The following SEMA6A variants were observed in gnomAD, a reference collection of about 807,000 sequenced individuals.
SEMA6A encodes the protein semaphorin-6A.
A neutral mutation model predicts 96.8 loss-of-function variants in SEMA6A; 25 were observed. The observed-to-expected ratio is 0.26, with a 90% confidence interval of 0.19 to 0.36. SEMA6A has a LOEUF of 0.36. Among genes scored for constraint, SEMA6A ranks in the 10% least tolerant of loss-of-function variants. The pLI is 1.00. For missense variants in SEMA6A, 1,363 were observed against 1,323.1 expected, an observed-to-expected ratio of 1.03 and a Z score of -0.47; for synonymous variants, 612 against 518.0, an observed-to-expected ratio of 1.18 and a Z score of -2.46.
At chr5:116,504,071 G>A (rs1005923795) in intron 2 of SEMA6A, among the ~76,000 whole-genome samples, 2 of 152,134 alleles carry the variant, frequency 1.3e-5, no homozygotes, top group African/African-American at 4.8e-5. Flanking sequence ...GATCTCCTTA[G>A]TATTGCATAT....
chr5:116,558,456 T>C lies in SEMA6A; in HGVS notation c.-39+15729A>G, dbSNP rs1215211457. Among the ~76,000 whole-genome samples, 4 of 38,500 alleles carry C rather than the reference T, an allele frequency of 1.0e-4. 2 individuals carry two copies. Among genetic ancestry groups the C allele is most frequent in the Non-Finnish European group, 1.4e-4 (2 of 14,220 alleles). The allele number at this position is 38,500 out of a possible 152,430, so 25.3% of individuals were successfully genotyped here. A position where few individuals can be genotyped will look rare whatever the true frequency, so the allele number is the denominator to read the frequency against. The stretch of plus-strand genomic sequence containing the variant: ...CCCATCATTTAAGGATTCTTTTTTT[T>C]TTTTTTTTTTTTTTTTTGAGACGGA... On this transcript the variant is annotated intron_variant, in intron 1 of 18. Transcript: ENST00000343348.
intron 18 of SEMA6A, among the ~76,000 whole-genome samples, chr5:116,465,345 ACAATTTGGAGCAAAATGGAAATTAAAAT>A: frequency 6.6e-6 from 1 of 152,220 alleles, no homozygotes; most frequent in Admixed American, 6.5e-5. Context: ...TAAACAAAAA[ACAATTTGGAGCAAAATGGAAATTAAAAT>A]CATAAAAACT....
intron 1 of SEMA6A, among the ~76,000 whole-genome samples, chr5:116,542,751 A>G (rs1201642634): frequency 6.6e-6 from 1 of 152,188 alleles, no homozygotes; most frequent in Non-Finnish European, 1.5e-5. Context: ...TCTGCATCAC[A>G]CTTAGAGAAA....
intron 1 of SEMA6A, among the ~76,000 whole-genome samples, chr5:116,505,315 C>T (rs976654445): frequency 9.9e-5 from 15 of 151,962 alleles, no homozygotes; most frequent in African/African-American, 3.6e-4. Context: ...AGGTGACTGC[C>T]AATATTGAAA....
chr5:116,465,892 C>T (rs1017053681), intron 18 of SEMA6A, among the ~76,000 whole-genome samples: 2 of 152,006 alleles, frequency 1.3e-5, no homozygotes, highest in Non-Finnish European at 2.9e-5. Context: ...CTTGAGAATA[C>T]AGTCAGGACT....
chr5:116,571,920 C>T (rs1183706733), intron 1 of SEMA6A, among the ~76,000 whole-genome samples: 1 of 152,168 alleles, frequency 6.6e-6, no homozygotes, highest in Admixed American at 6.5e-5. Flanking sequence ...TAAACATAGG[C>T]ATCTTTACTT....
chr5:116,567,758 C>T (rs866918975), intron 1 of SEMA6A, among the ~76,000 whole-genome samples: 2 of 152,246 alleles, frequency 1.3e-5, no homozygotes, highest in Admixed American at 1.3e-4. Context: ...ATTAACCTCA[C>T]GCCACAAGAT....
At chr5:116,526,488 A>G (rs899250140) in intron 1 of SEMA6A, among the ~76,000 whole-genome samples, 4 of 152,356 alleles carry the variant, frequency 2.6e-5, no homozygotes, top group East Asian at 1.9e-4. Flanking sequence ...CAAACGGATC[A>G]ATGAATGATC....
At chr5:116,477,738 T>A (rs1345509149) in intron 15 of SEMA6A, 108 bp downstream of exon 15, 3 of 1,102,340 alleles carry the variant, frequency 2.7e-6, no homozygotes, top group Admixed American at 1.8e-5. Context: ...TTGCTGGAGT[T>A]TGCACAGAAA....
intron 5 of SEMA6A, 176 bp from the exon 6 acceptor site, chr5:116,495,690 T>A (rs1757563218): frequency 1.8e-6 from 1 of 558,710 alleles, no homozygotes; most frequent in East Asian, 3.0e-5. Flanking sequence ...ACATCAACGA[T>A]TACTCTTTCA....
chr5:116,534,579 G>A (rs1000507253), intron 1 of SEMA6A, among the ~76,000 whole-genome samples: 10 of 152,294 alleles, frequency 6.6e-5, no homozygotes, highest in African/African-American at 2.4e-4. Context: ...GAGCTTCTTT[G>A]ACCAAATCAT....
intron 1 of SEMA6A, among the ~76,000 whole-genome samples, chr5:116,571,551 C>T (rs1379623491): frequency 6.6e-6 from 1 of 152,312 alleles, no homozygotes; most frequent in East Asian, 1.9e-4. Context: ...CAAAGTGCCT[C>T]ATTCAAGAAC....
At chr5:116,498,669 T>TAGGCTGCCAGAATCACCCTGCCCA (rs1561498711) in intron 3 of SEMA6A, 2 of 152,166 alleles carry the variant, frequency 1.3e-5, no homozygotes, top group Admixed American at 1.3e-4. Context: ...CAAACTTCAG[T>TAGGCTGCCAGAATCACCCTGCCCA]AGGCTGCCAG....
chr5:116,449,949 G>T (rs1384139830), intron 18 of SEMA6A: 5 of 152,256 alleles, frequency 3.3e-5, no homozygotes, highest in Admixed American at 2.0e-4. Context: ...CACCTTTTAT[G>T]TGTGAAGCTC....
intron 1 of SEMA6A, among the ~76,000 whole-genome samples, chr5:116,505,422 C>T (rs554010084): frequency 2.0e-5 from 3 of 151,042 alleles, no homozygotes; most frequent in East Asian, 1.9e-4. Context: ...CCCTTTGGCA[C>T]CACTTCCAAC....
chr5:116,535,585 G>C (rs763446037), intron 1 of SEMA6A, among the ~76,000 whole-genome samples: 1 of 152,128 alleles, frequency 6.6e-6, no homozygotes, highest in Non-Finnish European at 1.5e-5. Flanking sequence ...GACCCACAAA[G>C]AATCACCATT....
At chr5:116,572,521 C>A (rs1471712617) in intron 1 of SEMA6A, among the ~76,000 whole-genome samples, 1 of 152,210 alleles carries the variant, frequency 6.6e-6, no homozygotes, top group Non-Finnish European at 1.5e-5. Flanking sequence ...TTCCTCCCTC[C>A]CTGGATAGCC....
chr5:116,565,172 G>A (rs568124967), intron 1 of SEMA6A, among the ~76,000 whole-genome samples: 59 of 152,254 alleles, frequency 3.9e-4, no homozygotes, highest in African/African-American at 1.4e-3. Context: ...TGAGCAAGAG[G>A]CAAATCCTGG....
chr5:116,482,242 T>C (rs958929289), intron 11 of SEMA6A, among the ~76,000 whole-genome samples: 1 of 151,906 alleles, frequency 6.6e-6, no homozygotes, highest in African/African-American at 2.4e-5. Flanking sequence ...AAATAACATA[T>C]ATGGAGGTTA....
Sources: allele counts gnomAD v4.1 joint callset (sites outside exome capture counted in the v4.1 genomes callset), GRCh38; gene constraint gnomAD v4.1.1; transcripts MANE v1.5; gene names NCBI Gene and HGNC (gene_info 2026-07-23, HGNC 2026-07-21).